Variants in PRKDC observed in about 807,000 individuals in gnomAD.
PRKDC encodes DNA-dependent protein kinase catalytic subunit.
A neutral mutation model predicts 486.9 loss-of-function variants in PRKDC; 82 were observed. The observed-to-expected ratio is 0.17, with a 90% confidence interval of 0.14 to 0.20. PRKDC has a LOEUF of 0.20. Among genes scored for constraint, PRKDC ranks in the 10% least tolerant of loss-of-function variants. The probability of loss-of-function intolerance (pLI) is 1.00; values close to 1 mark genes in which losing one functional copy is unlikely to be tolerated. For synonymous variants in PRKDC, 1,895 were observed against 1,837.0 expected, an observed-to-expected ratio of 1.03 and a Z score of -0.81; for missense variants, 4,504 against 5,038.2, an observed-to-expected ratio of 0.89 and a Z score of 3.21.
chr8:47,878,882 A>G (rs778707323), intron 39 of PRKDC, among the ~76,000 whole-genome samples: 38 of 152,322 alleles, frequency 2.5e-4, no homozygotes, highest in Middle Eastern at 6.8e-3. Context: ...AATGTATTTC[A>G]TGTCTATGTC....
chr8:47,878,771 C>T (rs148243044), intron 39 of PRKDC, among the ~76,000 whole-genome samples: 23 of 152,340 alleles, frequency 1.5e-4, no homozygotes, highest in Non-Finnish European at 2.9e-4. Context: ...CTTCTTTCAT[C>T]TCTGAAACTG....
In PRKDC at chr8:47,944,003, T is replaced by G; in HGVS notation, c.748A>C (p.Asn250His). 6.4e-7 allele frequency: 1 copy of G among 1,564,864 alleles called. No individual in the cohort carries two copies. Among genetic ancestry groups the G allele is most frequent in the Non-Finnish European group, 8.7e-7 (1 of 1,153,744 alleles). The change falls in exon 8 of 86, where the codon AAT becomes CAT. Residue 250 changes from asparagine to histidine, a missense_variant. Physicochemically the swap from Asn to His is moderately conservative, Grantham distance 68 (BLOSUM62 1). Coordinates refer to ENST00000314191, the MANE Select transcript of PRKDC (RefSeq NM_006904.7). ...GGACGAATTGCCTTTAGTACAAAATTAAAAATCTCCCTTGAAGTCTGGGGA... is the reference window on the plus strand; with the variant it reads ...GGACGAATTGCCTTTAGTACAAAATGAAAAATCTCCCTTGAAGTCTGGGGA... The part of the protein sequence containing the change: ...EDPQTSREIF[N>H]FVLKAIRPQI...
intron 25 of PRKDC, among the ~76,000 whole-genome samples, chr8:47,912,041 GATTACAGA>G (rs2089912982): frequency 5.9e-5 from 9 of 152,134 alleles, no homozygotes; most frequent in Admixed American, 5.9e-4. Context: ...AAAGTGCTGG[GATTACAGA>G]TGTGAGCCAC....
rs867797160 is a variant in PRKDC at position 47,800,986 on chromosome 8, T to C, written c.9923A>G (p.Asp3308Gly). 7.4e-6 allele frequency: 12 copies of C among 1,613,246 alleles called. No homozygotes were observed. Among genetic ancestry groups the C allele is most frequent in the Middle Eastern group, 1.7e-4 (1 of 6,040 alleles). ...LTVLKTVSLL[D>G]ENNVSSYLSK... The stretch of plus-strand genomic sequence containing the variant: ...TAAGTAGCTTGACACGTTGTTCTCA[T>C]CTGTTGGATTAAAAAAACAAAACAA... Residue 3308 changes from aspartate to glycine, a missense_variant and splice_region_variant, in exon 71 of 86, where the codon GAT becomes GGT. By Grantham distance (94) the Asp-to-Gly change is moderately conservative. Coordinates refer to ENST00000314191, the MANE Select transcript of PRKDC (RefSeq NM_006904.7).
At position 47,943,309 on chromosome 8, in the gene PRKDC, T is replaced by G; in HGVS notation, c.866A>C (p.Asn289Thr). 2 of 1,612,364 alleles carry G rather than the reference T, an allele frequency of 1.2e-6. No individual in the cohort carries two copies. Among genetic ancestry groups the G allele is most frequent in the Non-Finnish European group, 1.7e-6 (2 of 1,179,100 alleles). The change falls in exon 10 of 86, where the codon AAC becomes ACC. Residue 289 changes from asparagine to threonine, a missense_variant. Asn to Thr is a moderately conservative substitution (Grantham distance 65). Around this residue, in one of 6 missense-constraint regions of PRKDC, gnomAD observed 1,969 missense variants for 2,068.9 expected, o/e 0.95. Coordinates refer to ENST00000314191, the MANE Select transcript of PRKDC (RefSeq NM_006904.7). ...ASQFSTCLLD[N>T]YVSLFEVLLK... Reference sequence around the variant, plus strand: ...CAAGACTTCAAATAGAGACACGTAGTTGTCCAGAAGGCAGGTGCTAAACTG... The same window carrying G: ...CAAGACTTCAAATAGAGACACGTAGGTGTCCAGAAGGCAGGTGCTAAACTG...
intron 7 of PRKDC, among the ~76,000 whole-genome samples, chr8:47,947,952 C>T (rs1243091316): frequency 1.3e-5 from 2 of 151,660 alleles, no homozygotes; most frequent in Non-Finnish European, 2.9e-5. Context: ...TGGTGGCATG[C>T]ACCTATAGTC....
chr8:47,948,784 C>T (rs2090580218), intron 7 of PRKDC, among the ~76,000 whole-genome samples: 1 of 152,046 alleles, frequency 6.6e-6, no homozygotes, highest in African/African-American at 2.4e-5. Context: ...TATATATGTA[C>T]CCATGAATTA....
rs1455615092 is a variant in PRKDC at position 47,897,212 on chromosome 8, A to G, written c.3547T>C (p.Cys1183Arg). 1.9e-6 allele frequency: 3 copies of G among 1,608,482 alleles called. No individual in the cohort carries two copies. The highest frequency in any genetic ancestry group is 1.7e-6 in the Non-Finnish European group (2 of 1,175,448). Reference sequence around the variant, plus strand: ...AAGAGTTCAATGGATTTGTGTCGACATTCTGTCTGGGGCCTCCCACAATGA... The same window carrying G: ...AAGAGTTCAATGGATTTGTGTCGACGTTCTGTCTGGGGCCTCCCACAATGA... The part of the protein sequence containing the change: ...LAHCGRPQTE[C>R]RHKSIELFYK... The change falls in exon 30 of 86, where the codon TGT becomes CGT. Residue 1183 changes from cysteine to arginine, a missense_variant. By Grantham distance (180) the Cys-to-Arg change is radical (BLOSUM62 -3). Around this residue, in one of 6 missense-constraint regions of PRKDC, gnomAD observed 1,969 missense variants for 2,068.9 expected, o/e 0.95. Transcript: ENST00000314191.
chr8:47,933,947 TTCAA>T lies in PRKDC; in HGVS notation c.1623+14_1623+17del, dbSNP rs1171728896. 5 of 1,602,996 alleles carry T rather than the reference TTCAA, an allele frequency of 3.1e-6. No homozygotes were observed. In the African/African-American group the frequency reaches 6.7e-5, roughly 21 times the overall value. ...AAGGAAGTAAGGTACATTTATGGCT[TTCAA>T]TGGTAAATGTTACCATCATCTGGTC... On this transcript the variant is annotated intron_variant, in intron 15 of 85. Transcript: ENST00000314191.
intron 14 of PRKDC, among the ~76,000 whole-genome samples, chr8:47,934,500 A>G (rs1373349490): frequency 6.6e-6 from 1 of 152,190 alleles, no homozygotes; most frequent in Non-Finnish European, 1.5e-5. Context: ...GTGCCACTGC[A>G]CTCCAGCCTG....
At position 47,927,847 on chromosome 8, in the gene PRKDC, G is replaced by A. The variant is rs779404829; in HGVS notation, c.2183C>T (p.Ser728Phe). 4.4e-6 allele frequency: 7 copies of A among 1,597,206 alleles called. No individual in the cohort carries two copies. Among genetic ancestry groups the A allele is most frequent in the African/African-American group, 2.7e-5 (2 of 73,974 alleles). The change falls in exon 20 of 86, where the codon TCT (serine) becomes TTT (phenylalanine). Residue 728 changes from serine to phenylalanine, a missense_variant. Transcript: ENST00000314191. ...MKQYKDELLA[S>F]CLTFLLSLPH... ...CAAGGACAGAAGAAAGGTCAAACAA[G>A]AGGCCAAAAGTTCATCTTTGTACTG...
chr8:47,877,325 GAT>G (rs2089111321), intron 40 of PRKDC, among the ~76,000 whole-genome samples: 1 of 152,144 alleles, frequency 6.6e-6, no homozygotes, highest in Non-Finnish European at 1.5e-5. Context: ...TGGAATTACT[GAT>G]AATTTCGTTC....
rs369125070 is a variant in PRKDC at position 47,928,165 on chromosome 8, T to C, written c.2140-275A>G. ...GAGAGCTTGAGGGACTTTTTTTTTT[T>C]TTTTTTTTGTAAGATAGAGTCGTGC... On this transcript the variant is annotated intron_variant, in intron 19 of 85. Coordinates refer to ENST00000314191, the MANE Select transcript of PRKDC (RefSeq NM_006904.7). Among the ~76,000 whole-genome samples the C allele has an allele frequency of 3.9e-3, 596 of 151,462 alleles. 4 individuals carry two copies. The highest frequency in any genetic ancestry group is 0.025 in the South Asian group (117 of 4,764).
chr8:47,783,836 G>A (rs1346650243), intron 77 of PRKDC, 27 bp from the exon 78 acceptor site: 1 of 1,611,012 alleles, frequency 6.2e-7, no homozygotes. Context: ...CCTTGCTTAG[G>A]AACAGCTTGT....
intron 11 of PRKDC, 133 bp downstream of exon 11, chr8:47,939,418 G>C: frequency 9.9e-7 from 1 of 1,007,232 alleles, no homozygotes; most frequent in Non-Finnish European, 1.5e-6. Flanking sequence ...AGCCTGTGCA[G>C]TTCACGCCCA....
In PRKDC at chr8:47,959,962, C is replaced by A. The variant is rs1463939061; in HGVS notation, c.154+11G>T. On this transcript the variant is annotated intron_variant, in intron 1 of 85. Coordinates refer to ENST00000314191, the MANE Select transcript of PRKDC (RefSeq NM_006904.7). The stretch of plus-strand genomic sequence containing the variant: ...GGACCCACCCGCGGCCCAGCTCGGG[C>A]CGGTACCCACCCAGCACCGCGGGGC... 6.5e-7 allele frequency: 1 copy of A among 1,534,768 alleles called. No individual in the cohort carries two copies. Among genetic ancestry groups the A allele is most frequent in the East Asian group, 2.4e-5 (1 of 40,904 alleles).
Position 47,794,783 on chromosome 8 carries a change from C to G in PRKDC, c.10459-282G>C, listed in dbSNP as rs1240335276. Among the ~76,000 whole-genome samples, 4 of 152,224 alleles carry G rather than the reference C, an allele frequency of 2.6e-5. No homozygotes were observed. In the East Asian group the frequency reaches 7.7e-4, roughly 29 times the overall value. ...TAGAAAAATCTTCTACTTCATTCCTCCTGGCGGCTATGTAGTATTCCATGT... is the reference window on the plus strand; with the variant it reads ...TAGAAAAATCTTCTACTTCATTCCTGCTGGCGGCTATGTAGTATTCCATGT... On this transcript the variant is annotated intron_variant, in intron 73 of 85. Coordinates refer to ENST00000314191, the MANE Select transcript of PRKDC (RefSeq NM_006904.7).
At chr8:47,877,661 G>A in intron 40 of PRKDC, 63 bp downstream of exon 40, 1 of 1,399,450 alleles carries the variant, frequency 7.1e-7, no homozygotes, top group Non-Finnish European at 9.4e-7. Flanking sequence ...GGAACAGAGA[G>A]GATAATTTCC....
intron 24 of PRKDC, 35 bp from the exon 25 acceptor site, chr8:47,912,597 T>C: frequency 6.5e-7 from 1 of 1,530,536 alleles, no homozygotes; most frequent in South Asian, 1.3e-5. Flanking sequence ...ATGTTTAAGT[T>C]ATCACGTTGA....
Sources: allele counts gnomAD v4.1 joint callset (sites outside exome capture counted in the v4.1 genomes callset), GRCh38; gene constraint gnomAD v4.1.1; regional missense constraint gnomAD v4.1.1; transcripts MANE v1.5; gene names NCBI Gene and HGNC (gene_info 2026-07-23, HGNC 2026-07-21).